Variants in NRP1 observed in about 807,000 individuals in gnomAD.
The protein encoded by NRP1 is neuropilin-1.
NRP1 carries 35 observed loss-of-function variants against 106.7 expected under a neutral mutation model. The ratio of observed to expected loss-of-function variants is 0.33; its 90% CI spans 0.25 to 0.43. The LOEUF (loss-of-function observed/expected upper bound fraction) is 0.43, where lower values mean the gene tolerates loss of function less well. Among genes scored for constraint, NRP1 ranks in the 20% least tolerant of loss-of-function variants. The pLI is 1.00. For synonymous variants in NRP1, 437 were observed against 417.9 expected (o/e 1.05, Z -0.56); for missense variants, 1,024 against 1,170.4 (o/e 0.87, Z 1.83).
chr10:33,195,242 C>T (rs1836695133), intron 12 of NRP1, among the ~76,000 whole-genome samples: 1 of 152,144 alleles, frequency 6.6e-6, no homozygotes, highest in East Asian at 1.9e-4. Context: ...AGCAGAGGTG[C>T]TCAGGCCCAT....
intron 2 of NRP1, among the ~76,000 whole-genome samples, chr10:33,284,383 G>A (rs1564454424): frequency 6.6e-6 from 1 of 152,194 alleles, no homozygotes; most frequent in East Asian, 1.9e-4. Flanking sequence ...CACAGGAAGA[G>A]ATAGGAACAA....
chr10:33,233,332 C>T (rs1840306482), intron 6 of NRP1, among the ~76,000 whole-genome samples: 1 of 152,190 alleles, frequency 6.6e-6, no homozygotes, highest in African/African-American at 2.4e-5. Flanking sequence ...GAACCATCCA[C>T]ATGCACCATA....
intron 12 of NRP1, chr10:33,195,602 T>C: frequency 1.9e-6 from 1 of 532,774 alleles, no homozygotes; most frequent in Non-Finnish European, 3.8e-6. Context: ...GATCAAAGTA[T>C]CAGGTGACTC....
intron 2 of NRP1, among the ~76,000 whole-genome samples, chr10:33,318,587 A>C (rs1487291984): frequency 6.6e-6 from 1 of 152,110 alleles, no homozygotes. Context: ...CATGGGGAGA[A>C]ACGGGAAGAA....
intron 6 of NRP1, among the ~76,000 whole-genome samples, chr10:33,233,356 G>C (rs1840309704): frequency 6.6e-6 from 1 of 152,072 alleles, no homozygotes. Context: ...CCATGGTATT[G>C]TCTTAGTAAT....
chr10:33,242,969 T>C (rs573112240), intron 6 of NRP1, among the ~76,000 whole-genome samples: 17 of 152,228 alleles, frequency 1.1e-4, no homozygotes, highest in African/African-American at 3.6e-4. Context: ...AGGAAGAAAA[T>C]AGCAGATTTT....
At position 33,248,126 on chromosome 10, in the gene NRP1, C is replaced by T. The variant is rs566326415; in HGVS notation, c.981+5902G>A. On this transcript the variant is annotated intron_variant, in intron 6 of 16. Transcript: ENST00000374867. ...AACATGGGATGACACGCCATCTCTA[C>T]TAAAAATACAAAAATTACCTGGGCT... is the stretch of plus-strand genomic sequence containing the variant. Among the ~76,000 whole-genome samples the T allele has an allele frequency of 5.3e-5, 8 of 152,250 alleles. No individual in the cohort carries two copies. The South Asian group carries it at 1.7e-3, about 32-fold the overall frequency.
At chr10:33,288,181 A>G (rs10763924) in intron 2 of NRP1, 93,805 of 151,938 alleles carry the variant, frequency 0.62, 29,337 homozygotes, top group East Asian at 0.68. Context: ...TGGCCACATG[A>G]TTTTCATTTT....
chr10:33,266,732 G>C (rs1340952592), intron 3 of NRP1, among the ~76,000 whole-genome samples: 1 of 152,158 alleles, frequency 6.6e-6, no homozygotes, highest in African/African-American at 2.4e-5. Flanking sequence ...TTGAATCATG[G>C]GGGTGGATTT....
intron 7 of NRP1, among the ~76,000 whole-genome samples, chr10:33,223,962 T>A (rs1219558644): frequency 1.3e-5 from 2 of 151,914 alleles, no homozygotes; most frequent in Admixed American, 1.3e-4. Context: ...TTGCTGAAAA[T>A]CATGTTTTAT....
At chr10:33,324,078 C>A (rs377036900) in intron 2 of NRP1, among the ~76,000 whole-genome samples, 1 of 152,114 alleles carries the variant, frequency 6.6e-6, no homozygotes, top group African/African-American at 2.4e-5. Context: ...CACAAAACAA[C>A]CTCGTAATAC....
chr10:33,323,215 T>TTAAA (rs963375859), intron 2 of NRP1, among the ~76,000 whole-genome samples: 21 of 144,674 alleles, frequency 1.5e-4, no homozygotes, highest in East Asian at 1.0e-3. Flanking sequence ...CTTCTGTGTT[T>TTAAA]TAAATAAATA....
At chr10:33,196,938 G>T (rs1324661989) in intron 12 of NRP1, among the ~76,000 whole-genome samples, 1 of 152,180 alleles carries the variant, frequency 6.6e-6, no homozygotes, top group African/African-American at 2.4e-5. Flanking sequence ...TAACTTTAAA[G>T]TATTTAAAAC....
chr10:33,273,073 A>C (rs1336223962), intron 2 of NRP1, among the ~76,000 whole-genome samples: 1 of 119,040 alleles, frequency 8.4e-6, no homozygotes, highest in South Asian at 3.0e-4. Flanking sequence ...GCTATTTTTA[A>C]AAGTATGTGT....
At chr10:33,250,583 T>C (rs1841784127) in intron 6 of NRP1, among the ~76,000 whole-genome samples, 1 of 152,140 alleles carries the variant, frequency 6.6e-6, no homozygotes, top group South Asian at 2.1e-4. Context: ...TGAATGGGAA[T>C]AAATGGTTAA....
chr10:33,277,303 C>G (rs1843775715), intron 2 of NRP1, among the ~76,000 whole-genome samples: 1 of 152,216 alleles, frequency 6.6e-6, no homozygotes, highest in African/African-American at 2.4e-5. Context: ...CCTGCCAGAG[C>G]TGTCCTGGTC....
At chr10:33,315,828 A>G (rs147607487) in intron 2 of NRP1, among the ~76,000 whole-genome samples, 310 of 152,336 alleles carry the variant, frequency 2.0e-3, no homozygotes, top group Middle Eastern at 6.8e-3. Flanking sequence ...ATGGAGTCTC[A>G]GGTGTGTAAA....
chr10:33,186,697 G>C (rs1836032003), intron 13 of NRP1, among the ~76,000 whole-genome samples: 1 of 152,118 alleles, frequency 6.6e-6, no homozygotes, highest in African/African-American at 2.4e-5. Context: ...ATTTGATTAG[G>C]GGAAGGCTGA....
At chr10:33,258,690 T>C (rs1353033423) in intron 4 of NRP1, among the ~76,000 whole-genome samples, 1 of 152,222 alleles carries the variant, frequency 6.6e-6, no homozygotes. Context: ...CTACAGGTAG[T>C]GGTTCTTTGC....
Sources: gnomAD v4.1 joint callset for allele counts (sites outside exome capture counted in the v4.1 genomes callset) on GRCh38, gnomAD v4.1.1 for gene constraint, MANE v1.5 for transcripts, NCBI Gene and HGNC (gene_info 2026-07-23, HGNC 2026-07-21) for gene names.